Variants in PCBP4 observed in about 807,000 individuals in gnomAD.
The protein encoded by PCBP4 is poly(rC) binding protein 4, also known as poly(rC)-binding protein 4.
PCBP4 carries 24 observed loss-of-function variants against 46.2 expected under a neutral mutation model. That is an observed-to-expected ratio of 0.52 (90% confidence interval 0.38 to 0.73). The LOEUF (loss-of-function observed/expected upper bound fraction) is 0.73. PCBP4 is among the 30% of genes least tolerant of loss of function. The pLI, the probability that PCBP4 is intolerant of heterozygous loss-of-function variation, is 0.00. For synonymous variants in PCBP4, 203 were observed against 224.4 expected (o/e 0.90, Z 0.85); for missense variants, 407 against 537.0 (o/e 0.76, Z 2.39).
At chr3:51,965,101 C>A (rs1340673421) in intron 1 of PCBP4, among the ~76,000 whole-genome samples, 2 of 152,196 alleles carry the variant, frequency 1.3e-5, no homozygotes, top group African/African-American at 4.8e-5. Context: ...CCTCATGGTA[C>A]CCATCCCCTC....
chr3:51,959,854 G>T lies in PCBP4; in HGVS notation c.516+41C>A. ...GGGTCCCCGACAAGGCAGACCCAGG[G>T]CCCATCTCCTGCCCCCTCTCTCCCT... is the stretch of plus-strand genomic sequence containing the variant. On this transcript the variant is annotated intron_variant, in intron 8 of 13. Coordinates refer to ENST00000461554, the MANE Select transcript of PCBP4 (RefSeq NM_001174100.2). The surrounding 1 kb of genome is among the most constrained non-coding windows in gnomAD (Gnocchi z 5.6). 1 of 1,559,218 alleles carries T rather than the reference G, an allele frequency of 6.4e-7. No homozygotes were observed.
chr3:51,963,956 C>A (rs536946455), intron 1 of PCBP4, among the ~76,000 whole-genome samples: 10 of 152,336 alleles, frequency 6.6e-5, no homozygotes, highest in East Asian at 5.8e-4. Context: ...CTGCTCCAGC[C>A]GGGTGGGCCC....
intron 3 of PCBP4, 43 bp from the exon 4 acceptor site, chr3:51,961,076 G>A: frequency 1.9e-6 from 3 of 1,614,118 alleles, no homozygotes; most frequent in Non-Finnish European, 2.5e-6. Flanking sequence ...CCAGTGCCCA[G>A]GCCCAGCCCC....
chr3:51,963,883 G>A (rs1380330532), intron 1 of PCBP4, among the ~76,000 whole-genome samples: 2 of 152,192 alleles, frequency 1.3e-5, no homozygotes, highest in Admixed American at 6.5e-5. Flanking sequence ...CCCAAGGAAC[G>A]AGCAGCCCCA....
chr3:51,961,074 C>T, intron 3 of PCBP4, 41 bp from the exon 4 acceptor site: 1 of 1,614,170 alleles, frequency 6.2e-7, no homozygotes, highest in Non-Finnish European at 8.5e-7. Context: ...TGCCAGTGCC[C>T]AGGCCCAGCC....
intron 2 of PCBP4, 78 bp from the exon 3 acceptor site, chr3:51,961,382 C>T (rs1577685258): frequency 7.0e-7 from 1 of 1,421,454 alleles, no homozygotes. Flanking sequence ...GACCCCAGAG[C>T]TGGGCTAGTC....
At position 51,960,849 on chromosome 3, in the gene PCBP4, C is replaced by A. The variant is rs1268319977; in HGVS notation, c.138+17G>T. The A allele has an allele frequency of 1.9e-6, 3 of 1,613,988 alleles. No homozygotes were observed. Among genetic ancestry groups the A allele is most frequent in the South Asian group, 2.2e-5 (2 of 91,070 alleles). On this transcript the variant is annotated intron_variant, in intron 5 of 13. Coordinates refer to ENST00000461554, the MANE Select transcript of PCBP4 (RefSeq NM_001174100.2). This position sits in a 1 kb window ranked among gnomAD's most constrained non-coding sequence, Gnocchi z 5.0. ...ACATCAGGTGCCCTGGGCTCCTCCCCCAAACTCCATCCTCACCTGCTCCCG... is the reference window on the plus strand; with the variant it reads ...ACATCAGGTGCCCTGGGCTCCTCCCACAAACTCCATCCTCACCTGCTCCCG...
chr3:51,957,961 G>C lies in PCBP4; in HGVS notation c.*100C>G, dbSNP rs1187618893. On this transcript the variant is annotated 3_prime_UTR_variant, in exon 14 of 14. Coordinates refer to ENST00000461554, the MANE Select transcript of PCBP4 (RefSeq NM_001174100.2). ...GCATCCATGCGTCTGGGCGTTAGCGGCGTTTGGGACCCCAGGGTGGAGTCT... is the reference window on the plus strand; with the variant it reads ...GCATCCATGCGTCTGGGCGTTAGCGCCGTTTGGGACCCCAGGGTGGAGTCT... 1.8e-5 allele frequency: 20 copies of C among 1,137,272 alleles called. No homozygotes were observed. Among genetic ancestry groups the C allele is most frequent in the Non-Finnish European group, 2.5e-5 (20 of 804,596 alleles). 70.4% of individuals were successfully genotyped at this position (1,137,272 alleles called of 1,614,324 possible).
In PCBP4 at chr3:51,958,340, C is replaced by G. The variant is rs531350169; in HGVS notation, c.933G>C (p.Thr311=). ...AQYLITACLE[T]AKSTSGGTPS... is the part of the protein sequence containing the mutation. ...GCGTCCCCCCAGAGGTAGACTTGGC[C>G]GTCTCTAGACTGGAGAGAGGGATAT... The change falls in exon 14 of 14, where the codon ACG becomes ACC. Residue 311 remains threonine, a synonymous_variant. Coordinates refer to ENST00000461554, the MANE Select transcript of PCBP4 (RefSeq NM_001174100.2). The surrounding 1 kb of genome is among the most constrained non-coding windows in gnomAD (Gnocchi z 5.4). The G allele has an allele frequency of 1.3e-6, 2 of 1,499,678 alleles. No individual in the cohort carries two copies. The highest frequency in any genetic ancestry group is 2.8e-5 in the African/African-American group (2 of 71,032). 92.9% of individuals were successfully genotyped at this position (1,499,678 alleles called of 1,614,324 possible).
chr3:51,966,422 G>A (rs1030656237), intron 1 of PCBP4, among the ~76,000 whole-genome samples: 1 of 152,116 alleles, frequency 6.6e-6, no homozygotes, highest in African/African-American at 2.4e-5. Context: ...TTTTCAGATG[G>A]GGAAAGAATA....
Position 51,958,731 on chromosome 3 carries a change from T to C in PCBP4, c.923+59A>G. On this transcript the variant is annotated intron_variant, in intron 13 of 13. Coordinates refer to ENST00000461554, the MANE Select transcript of PCBP4 (RefSeq NM_001174100.2). This position sits in a 1 kb window ranked among gnomAD's most constrained non-coding sequence, Gnocchi z 5.4. ...CCAGCTTCCTCTCCCCACCCCTGCC[T>C]TTCTTGGGCACATGAGAACCGTGAC... 1 of 1,561,434 alleles carries C rather than the reference T, an allele frequency of 6.4e-7. No homozygotes were observed. Among genetic ancestry groups the C allele is most frequent in the Non-Finnish European group, 8.7e-7 (1 of 1,151,498 alleles).
rs1411219053 is a variant in PCBP4 at position 51,959,058 on chromosome 3, C to T, written c.742G>A (p.Val248Ile). 1.9e-6 allele frequency: 3 copies of T among 1,613,960 alleles called. No homozygotes were observed. Among genetic ancestry groups the T allele is most frequent in the Non-Finnish European group, 2.5e-6 (3 of 1,179,946 alleles). Residue 248 changes from valine to isoleucine, a missense_variant, in exon 12 of 14, where the codon GTT becomes ATT. Physicochemically the swap from Val to Ile is conservative, Grantham distance 29. Coordinates refer to ENST00000461554, the MANE Select transcript of PCBP4 (RefSeq NM_001174100.2). The surrounding 1 kb of genome is among the most constrained non-coding windows in gnomAD (Gnocchi z 5.6). ...CATCCCCTGCTCACATCGTTGGGAA[C>T]CAAGAACTCCTGTGAGCTGGTCTGT... ...GTQTSSQEFL[V>I]PNDLIGCVIG... is the part of the protein sequence containing the mutation.
In PCBP4 at chr3:51,959,792, C is replaced by A; in HGVS notation, c.516+103G>T. The A allele has an allele frequency of 6.6e-7, 1 of 1,519,494 alleles. No homozygotes were observed. The highest frequency in any genetic ancestry group is 1.3e-5 in the South Asian group (1 of 78,988). 94.1% of individuals were successfully genotyped at this position (1,519,494 alleles called of 1,614,324 possible). A position where few individuals can be genotyped will look rare whatever the true frequency, so the allele number is the denominator to read the frequency against. On this transcript the variant is annotated intron_variant, in intron 8 of 13. Transcript: ENST00000461554. The surrounding 1 kb of genome is among the most constrained non-coding windows in gnomAD (Gnocchi z 5.6). Reference sequence around the variant, plus strand: ...GAGCTCATCATCCATCCCTGCAGCCCTGCCCTGCCCCACCTGCAGCACAGG... The same window carrying A: ...GAGCTCATCATCCATCCCTGCAGCCATGCCCTGCCCCACCTGCAGCACAGG...
At position 51,960,395 on chromosome 3, in the gene PCBP4, C is replaced by T; in HGVS notation, c.256-75G>A. 3.2e-6 allele frequency: 5 copies of T among 1,580,008 alleles called. No homozygotes were observed. The highest frequency in any genetic ancestry group is 4.3e-6 in the Non-Finnish European group (5 of 1,158,654). ...CCCAGGGGTCAGGAGGGTACCCTTT[C>T]CCCAGTCCCACTTCAAGGGAACACT... On this transcript the variant is annotated intron_variant, in intron 6 of 13. Coordinates refer to ENST00000461554, the MANE Select transcript of PCBP4 (RefSeq NM_001174100.2). The surrounding 1 kb of genome is among the most constrained non-coding windows in gnomAD (Gnocchi z 5.0).
At chr3:51,966,911 C>G (rs1162272489) in intron 1 of PCBP4, among the ~76,000 whole-genome samples, 2 of 152,072 alleles carry the variant, frequency 1.3e-5, no homozygotes, top group African/African-American at 4.8e-5. Context: ...CTCCATACAC[C>G]CCTGGCCTGG....
intron 1 of PCBP4, among the ~76,000 whole-genome samples, chr3:51,963,788 G>A (rs974326909): frequency 1.3e-5 from 2 of 152,136 alleles, no homozygotes; most frequent in Non-Finnish European, 2.9e-5. Context: ...CGCCCTTCCT[G>A]GTCTGAGAGA....
At position 51,958,058 on chromosome 3, in the gene PCBP4, G is replaced by A; in HGVS notation, c.*3C>T. On this transcript the variant is annotated 3_prime_UTR_variant, in exon 14 of 14. Transcript: ENST00000461554. The surrounding 1 kb of genome is among the most constrained non-coding windows in gnomAD (Gnocchi z 5.4). ...CCTGCCCCTGCCTGTACCTCAGCTG[G>A]CCTCAGTAGGGGGAGAATTTCTGCC... 1 of 1,538,688 alleles carries A rather than the reference G, an allele frequency of 6.5e-7. No individual in the cohort carries two copies. Among genetic ancestry groups the A allele is most frequent in the Non-Finnish European group, 8.7e-7 (1 of 1,144,196 alleles).
In PCBP4 at chr3:51,959,554, A is replaced by C. The variant is rs778090389; in HGVS notation, c.591+23T>G. 1.9e-6 allele frequency: 3 copies of C among 1,547,560 alleles called. No individual in the cohort carries two copies. The highest frequency in any genetic ancestry group is 2.6e-6 in the Non-Finnish European group (3 of 1,143,194). On this transcript the variant is annotated intron_variant, in intron 9 of 13. Transcript: ENST00000461554. This position sits in a 1 kb window ranked among gnomAD's most constrained non-coding sequence, Gnocchi z 5.6. ...TCCCCCTTCTCCAGTAATGTGTCCC[A>C]CTGCTCCTGTTGTTCCCCTCACCTG... is the stretch of plus-strand genomic sequence containing the variant.
chr3:51,960,697 G>T lies in PCBP4; in HGVS notation c.139-55C>A. 1 of 1,521,384 alleles carries T rather than the reference G, an allele frequency of 6.6e-7. No individual in the cohort carries two copies. Among genetic ancestry groups the T allele is most frequent in the South Asian group, 1.1e-5 (1 of 89,200 alleles). 94.2% of individuals were successfully genotyped at this position (1,521,384 alleles called of 1,614,324 possible). On this transcript the variant is annotated intron_variant, in intron 5 of 13. Coordinates refer to ENST00000461554, the MANE Select transcript of PCBP4 (RefSeq NM_001174100.2). This position sits in a 1 kb window ranked among gnomAD's most constrained non-coding sequence, Gnocchi z 5.0. Reference sequence around the variant, plus strand: ...GGGGCATCTTCCCTGCTCCCTTGCCGGAACTTGTCTGCCTGCCCCACTCAC... The same window carrying T: ...GGGGCATCTTCCCTGCTCCCTTGCCTGAACTTGTCTGCCTGCCCCACTCAC...
Sources: allele counts gnomAD v4.1 joint callset (sites outside exome capture counted in the v4.1 genomes callset), GRCh38; gene constraint gnomAD v4.1.1; non-coding constraint Gnocchi (gnomAD v3.1); transcripts MANE v1.5; gene names NCBI Gene and HGNC (gene_info 2026-07-23, HGNC 2026-07-21).